ABCA12: variants seen among roughly 807,000 people sequenced by gnomAD.
ABCA12 encodes the protein glucosylceramide transporter ABCA12.
In ABCA12, 156 loss-of-function variants were observed where a neutral mutation model predicts 293.5. The observed-to-expected ratio is 0.53, with a 90% CI of 0.47 to 0.61. The LOEUF (loss-of-function observed/expected upper bound fraction) is 0.61, where lower values mean the gene tolerates loss of function less well. Among genes scored for constraint, ABCA12 ranks in the 20% least tolerant of loss-of-function variants. The pLI is 0.00. For synonymous variants in ABCA12, 1,063 were observed against 1,108.0 expected, an observed-to-expected ratio of 0.96 and a Z score of 0.81; for missense variants, 2,797 against 3,090.2, an observed-to-expected ratio of 0.91 and a Z score of 2.25.
At chr2:215,011,880 A>C (rs1446133680) in intron 16 of ABCA12, 91 bp downstream of exon 16, 1 of 1,192,406 alleles carries the variant, frequency 8.4e-7, no homozygotes, top group Non-Finnish European at 1.2e-6. Context: ...TTTTTTTTTC[A>C]ATGTACTACG....
intron 36 of ABCA12, among the ~76,000 whole-genome samples, chr2:214,971,494 C>T (rs1303174288): frequency 6.6e-6 from 1 of 152,162 alleles, no homozygotes; most frequent in Non-Finnish European, 1.5e-5. Flanking sequence ...CAGAAGCCCC[C>T]TCATCACACT....
chr2:215,020,406 A>G (rs1192268242), intron 11 of ABCA12, among the ~76,000 whole-genome samples: 1 of 152,152 alleles, frequency 6.6e-6, no homozygotes, highest in Non-Finnish European at 1.5e-5. Flanking sequence ...TAAGTGAAAT[A>G]AGCCAGTCTC....
At position 215,019,797 on chromosome 2, in the gene ABCA12, CT is replaced by C. The variant is rs766105975; in HGVS notation, c.1288-2del. On this transcript the variant is annotated splice_acceptor_variant, in intron 11 of 52. Coordinates refer to ENST00000272895, the MANE Select transcript of ABCA12 (RefSeq NM_173076.3). LOFTEE classifies it high-confidence loss of function. ...CGGTCAAGTTTCGAAGTTGAGACAG[CT>C]TTCCAAAAAGGGAAAAGAGTGGGAA... The C allele has an allele frequency of 6.2e-7, 1 of 1,610,526 alleles. No individual in the cohort carries two copies. The highest frequency in any genetic ancestry group is 1.1e-5 in the South Asian group (1 of 91,056).
In ABCA12 at chr2:215,037,023, A is replaced by G. The variant is rs1701008666; in HGVS notation, c.915T>C (p.Thr305=). The G allele has an allele frequency of 1.2e-6, 2 of 1,613,902 alleles. No homozygotes were observed. The highest frequency in any genetic ancestry group is 8.5e-7 in the Non-Finnish European group (1 of 1,179,902). The change falls in exon 8 of 53, where the codon ACT becomes ACC. Residue 305 remains threonine (T), a synonymous_variant. Transcript: ENST00000272895. ...TCTGGAGGGTTCTGAAACCTTCGTT[A>G]GTTGCAAAACGTGGATAAACCTTCT... ...VVQKVYPRFA[T]NEGFRTLQKS...
intron 2 of ABCA12, among the ~76,000 whole-genome samples, chr2:215,076,916 C>G (rs975551916): frequency 3.3e-5 from 5 of 152,086 alleles, no homozygotes; most frequent in African/African-American, 4.8e-5. Context: ...AACATTTAGA[C>G]ACTTGCAAAA....
At chr2:215,081,695 A>T (rs1701945109) in intron 2 of ABCA12, among the ~76,000 whole-genome samples, 1 of 152,110 alleles carries the variant, frequency 6.6e-6, no homozygotes, top group Non-Finnish European at 1.5e-5. Context: ...TAACACATGA[A>T]ATTATACATT....
chr2:215,027,465 C>T (rs1414404799), intron 9 of ABCA12, among the ~76,000 whole-genome samples: 1 of 152,194 alleles, frequency 6.6e-6, no homozygotes, highest in Admixed American at 6.5e-5. Context: ...TCTATGTGTA[C>T]TATCTTTATA....
intron 33 of ABCA12, among the ~76,000 whole-genome samples, chr2:214,976,794 T>C (rs980618387): frequency 6.6e-6 from 1 of 152,144 alleles, no homozygotes; most frequent in Non-Finnish European, 1.5e-5. Flanking sequence ...AGAGCAGCTA[T>C]AGAGGCCATA....
At chr2:214,984,731 T>G (rs1699750281) in intron 28 of ABCA12, among the ~76,000 whole-genome samples, 1 of 152,102 alleles carries the variant, frequency 6.6e-6, no homozygotes, top group African/African-American at 2.4e-5. Context: ...TTTTGCACTC[T>G]CCTCCTATCT....
rs201870868 is a variant in ABCA12 at position 214,936,940 on chromosome 2, A to AG, written c.7542+569_7542+570insC. ...TATGATCATAAATCCTTTGTGAGGA[A>AG]AAAAAAAAATACATGTATGTGAAAG... On this transcript the variant is annotated intron_variant, in intron 51 of 52. Coordinates refer to ENST00000272895, the MANE Select transcript of ABCA12 (RefSeq NM_173076.3). Among the ~76,000 whole-genome samples, 1,073 of 143,270 alleles carry AG rather than the reference A, an allele frequency of 7.5e-3. 20 individuals are homozygous for AG. Among genetic ancestry groups the AG allele is most frequent in the African/African-American group, 0.027 (1,005 of 37,818 alleles). The allele number at this position is 143,270 out of a possible 152,430, so 94.0% of individuals were successfully genotyped here.
intron 30 of ABCA12, among the ~76,000 whole-genome samples, 160 bp from the exon 31 acceptor site, chr2:214,980,803 C>T: frequency 6.6e-6 from 1 of 152,140 alleles, no homozygotes; most frequent in East Asian, 1.9e-4. Flanking sequence ...CAAAATGATG[C>T]AAGAAAAATT....
intron 2 of ABCA12, among the ~76,000 whole-genome samples, chr2:215,076,223 T>C (rs1701830510): frequency 6.6e-6 from 1 of 152,188 alleles, no homozygotes; most frequent in African/African-American, 2.4e-5. Flanking sequence ...TGGCTTGCTT[T>C]GTATCCCACA....
chr2:215,076,209 C>T (rs1486575192), intron 2 of ABCA12, among the ~76,000 whole-genome samples: 1 of 152,138 alleles, frequency 6.6e-6, no homozygotes, highest in Non-Finnish European at 1.5e-5. Context: ...ATTTATGTGA[C>T]CCGTGGCTTG....
At chr2:215,126,917 T>G (rs1278889851) in intron 1 of ABCA12, among the ~76,000 whole-genome samples, 1 of 152,206 alleles carries the variant, frequency 6.6e-6, no homozygotes, top group Non-Finnish European at 1.5e-5. Flanking sequence ...GTCTTATTGA[T>G]GTAGGCATTT....
chr2:215,016,870 T>C (rs993997274), intron 14 of ABCA12, among the ~76,000 whole-genome samples: 1 of 151,980 alleles, frequency 6.6e-6, no homozygotes, highest in African/African-American at 2.4e-5. Flanking sequence ...GAAAAGCGTA[T>C]AACATTCAAG....
intron 48 of ABCA12, among the ~76,000 whole-genome samples, 157 bp downstream of exon 48, chr2:214,947,265 A>G (rs1399603458): frequency 3.3e-5 from 5 of 152,242 alleles, no homozygotes; most frequent in Non-Finnish European, 4.4e-5. Flanking sequence ...AAAATCCTTT[A>G]TTGAGATAGT....
intron 1 of ABCA12, among the ~76,000 whole-genome samples, chr2:215,114,015 G>A (rs1055841222): frequency 6.6e-6 from 1 of 151,814 alleles, no homozygotes; most frequent in African/African-American, 2.4e-5. Flanking sequence ...TTGCTCTGTC[G>A]CCAGGCTGGA....
intron 5 of ABCA12, chr2:215,050,692 T>C (rs1316616379): frequency 4.2e-6 from 3 of 716,980 alleles, no homozygotes; most frequent in Non-Finnish European, 5.1e-6. Context: ...ATTCTAAAAG[T>C]AATGGAACAA....
rs899063579 is a variant in ABCA12 at position 215,076,952 on chromosome 2, T to C, written c.164-12733A>G. 3.3e-5 allele frequency among the ~76,000 whole-genome samples: 5 copies of C among 152,154 alleles called. No individual in the cohort carries two copies. The East Asian group carries it at 5.8e-4, about 18-fold the overall frequency. On this transcript the variant is annotated intron_variant, in intron 2 of 52. Transcript: ENST00000272895. ...TAATACTATGTGATGTAGTCAAGTA[T>C]ATAAACATGTAGTAAAAAATATAAA... is the stretch of plus-strand genomic sequence containing the variant.
Sources: gnomAD v4.1 joint callset for allele counts (sites outside exome capture counted in the v4.1 genomes callset) on GRCh38, gnomAD v4.1.1 for gene constraint, MANE v1.5 for transcripts, NCBI Gene and HGNC (gene_info 2026-07-23, HGNC 2026-07-21) for gene names.